Variants in KPNA1 observed in about 807,000 individuals in gnomAD.
The protein encoded by KPNA1 is karyopherin subunit alpha 1.
In KPNA1, 10 loss-of-function variants were observed where a neutral mutation model predicts 70.5. That is an observed-to-expected ratio of 0.14 (90% confidence interval 0.09 to 0.24). KPNA1 has a LOEUF of 0.24. Ranked by LOEUF, KPNA1 falls within the 10% of genes least tolerant of loss-of-function variation. KPNA1 has a pLI of 1.00. For synonymous variants in KPNA1, 192 were observed against 221.9 expected (o/e 0.87, Z 1.20); for missense variants, 397 against 637.9 (o/e 0.62, Z 4.07).
chr3:122,449,548 G>C, intron 9 of KPNA1, 26 bp downstream of exon 9: 1 of 1,575,066 alleles, frequency 6.3e-7, no homozygotes, highest in East Asian at 2.3e-5. Context: ...AGAGAAAGTG[G>C]ACACACTTTC....
At chr3:122,478,409 G>A (rs1249968750) in intron 2 of KPNA1, among the ~76,000 whole-genome samples, 2 of 151,914 alleles carry the variant, frequency 1.3e-5, no homozygotes, top group Non-Finnish European at 2.9e-5. Flanking sequence ...ATCACCTGAG[G>A]TCAGGAGTTC....
rs142604647 is a variant in KPNA1 at position 122,429,020 on chromosome 3, T to C, written c.1251-1304A>G. 4.2e-3 allele frequency among the ~76,000 whole-genome samples: 634 copies of C among 152,340 alleles called. 3 individuals are homozygous for C. The highest frequency in any genetic ancestry group is 7.3e-3 in the Non-Finnish European group (500 of 68,036). On this transcript the variant is annotated intron_variant, in intron 12 of 13. Transcript: ENST00000344337. ...ATCCAAGAATGTATACAAAGAATTA[T>C]ATACCAAGTGGATTTATTCCAAATA...
At chr3:122,483,512 T>C (rs1189113593) in intron 2 of KPNA1, among the ~76,000 whole-genome samples, 1 of 152,072 alleles carries the variant, frequency 6.6e-6, no homozygotes, top group Admixed American at 6.5e-5. Flanking sequence ...ACCTGGCTAA[T>C]TTTTGTATTT....
rs142879485 is a variant in KPNA1 at position 122,431,203 on chromosome 3, C to T, written c.1250+2458G>A. On this transcript the variant is annotated intron_variant, in intron 12 of 13. Coordinates refer to ENST00000344337, the MANE Select transcript of KPNA1 (RefSeq NM_002264.4). ...GAGACAGAGTCTCTCACTCTGTCTC[C>T]GAGGGTGGAGTGCAGTGGCACGATC... Among the ~76,000 whole-genome samples, 520 of 152,230 alleles carry T rather than the reference C, an allele frequency of 3.4e-3. 5 individuals are homozygous for T. Among genetic ancestry groups the T allele is most frequent in the African/African-American group, 5.9e-3 (246 of 41,528 alleles).
At chr3:122,477,863 A>G (rs2076520533) in intron 2 of KPNA1, among the ~76,000 whole-genome samples, 1 of 148,746 alleles carries the variant, frequency 6.7e-6, no homozygotes, top group Admixed American at 6.7e-5. Context: ...TCTGTATCAA[A>G]AAAAAAAAAA....
chr3:122,493,351 C>T (rs1038503738), intron 2 of KPNA1, among the ~76,000 whole-genome samples: 2 of 110,372 alleles, frequency 1.8e-5, no homozygotes, highest in Non-Finnish European at 4.0e-5. Flanking sequence ...ATAAAAGGGA[C>T]AAGAAAAAAA....
chr3:122,473,961 G>C (rs771527813), intron 2 of KPNA1, among the ~76,000 whole-genome samples: 39 of 152,014 alleles, frequency 2.6e-4, no homozygotes, highest in Non-Finnish European at 5.2e-4. Context: ...GAATTCAAAA[G>C]AATCAATAAA....
At chr3:122,483,861 G>T (rs2076599130) in intron 2 of KPNA1, among the ~76,000 whole-genome samples, 1 of 152,114 alleles carries the variant, frequency 6.6e-6, no homozygotes, top group Non-Finnish European at 1.5e-5. Context: ...ATAGATGAGG[G>T]ATTAGTTTTT....
intron 13 of KPNA1, 98 bp downstream of exon 13, chr3:122,427,440 T>G: frequency 8.2e-7 from 1 of 1,220,330 alleles, no homozygotes; most frequent in Non-Finnish European, 1.1e-6. Flanking sequence ...AGTCCTCTTT[T>G]CATCCAGTGC....
Position 122,422,340 on chromosome 3 carries a change from T to C in KPNA1, c.*4645A>G, listed in dbSNP as rs1180298729. 1 of 132,418 alleles carries C rather than the reference T, an allele frequency of 7.6e-6. No homozygotes were observed. The highest frequency in any genetic ancestry group is 1.6e-5 in the Non-Finnish European group (1 of 63,140). The allele number at this position is 132,418 out of a possible 1,614,324, so 8.2% of individuals were successfully genotyped here. On this transcript the variant is annotated 3_prime_UTR_variant, in exon 14 of 14. Coordinates refer to ENST00000344337, the MANE Select transcript of KPNA1 (RefSeq NM_002264.4). ...ATTATTTTACTAAACACAAAATCAT[T>C]TGCACAAAAAAAAAAAAAAAAAAAA...
At chr3:122,469,839 A>G (rs1409492924) in intron 2 of KPNA1, among the ~76,000 whole-genome samples, 1 of 152,254 alleles carries the variant, frequency 6.6e-6, no homozygotes, top group Non-Finnish European at 1.5e-5. Flanking sequence ...ATAACCACAC[A>G]TGCCAGAAGA....
At chr3:122,450,125 A>T (rs1243438538) in intron 8 of KPNA1, among the ~76,000 whole-genome samples, 5 of 152,246 alleles carry the variant, frequency 3.3e-5, no homozygotes, top group Admixed American at 6.5e-5. Flanking sequence ...TTCAGTGAAA[A>T]ATGATTCCAA....
At chr3:122,505,254 G>A (rs953381111) in intron 1 of KPNA1, among the ~76,000 whole-genome samples, 17 of 128,940 alleles carry the variant, frequency 1.3e-4, no homozygotes, top group Non-Finnish European at 1.7e-4. Context: ...AGTGAGCCAG[G>A]ATTGTACCAC....
Position 122,449,554 on chromosome 3 carries a change from C to G in KPNA1, c.917+20G>C. ...TACCAAGGGAGAGAAAGTGGACACA[C>G]TTTCTAAAAGATATCTTACATCAGC... On this transcript the variant is annotated intron_variant, in intron 9 of 13. Coordinates refer to ENST00000344337, the MANE Select transcript of KPNA1 (RefSeq NM_002264.4). The G allele has an allele frequency of 6.3e-7, 1 of 1,593,910 alleles. No individual in the cohort carries two copies. The highest frequency in any genetic ancestry group is 8.6e-7 in the Non-Finnish European group (1 of 1,169,488).
Position 122,451,613 on chromosome 3 carries a change from C to T in KPNA1, c.674G>A (p.Arg225His), listed in dbSNP as rs1189764467. 7.4e-6 allele frequency: 12 copies of T among 1,613,678 alleles called. No individual in the cohort carries two copies. The highest frequency in any genetic ancestry group is 1.0e-5 in the Non-Finnish European group (12 of 1,179,792). The change falls in exon 8 of 14, where the codon CGC becomes CAC. Residue 225 changes from arginine (R) to histidine (H), a missense_variant. Transcript: ENST00000344337. The stretch of plus-strand genomic sequence containing the variant: ...TACTGCATTCCGGGTCATGGTCAGG[C>T]GGTTTTGCTTTGAAAATAACCTAAA... ...PLLQLFSKQN[R>H]LTMTRNAVWA...
chr3:122,507,828 T>G (rs2076907917), intron 1 of KPNA1, among the ~76,000 whole-genome samples: 1 of 152,160 alleles, frequency 6.6e-6, no homozygotes, highest in East Asian at 1.9e-4. Flanking sequence ...TAAAAAAATT[T>G]TTAATCGCAA....
At chr3:122,455,250 TAGC>T (rs761711090) in intron 5 of KPNA1, among the ~76,000 whole-genome samples, 92 of 152,256 alleles carry the variant, frequency 6.0e-4, no homozygotes, top group East Asian at 3.9e-4. Context: ...AGAAAATTCA[TAGC>T]AGAAGACACA....
intron 2 of KPNA1, chr3:122,483,073 C>T (rs1403855664): frequency 6.4e-6 from 1 of 155,518 alleles, no homozygotes; most frequent in African/African-American, 2.4e-5. Context: ...TCTGCTCCTA[C>T]AAAAGTGGAC....
chr3:122,433,321 C>T (rs1368608979), intron 12 of KPNA1: 1 of 195,270 alleles, frequency 5.1e-6, no homozygotes, highest in Non-Finnish European at 1.0e-5. Flanking sequence ...ACCTATATTA[C>T]CCAAGATATT....
Sources: gnomAD v4.1 joint callset for allele counts (sites outside exome capture counted in the v4.1 genomes callset) on GRCh38, gnomAD v4.1.1 for gene constraint, MANE v1.5 for transcripts, NCBI Gene and HGNC (gene_info 2026-07-23, HGNC 2026-07-21) for gene names.